DST: variants seen among roughly 807,000 people sequenced by gnomAD.
The protein encoded by DST is dystonin.
DST carries 253 observed loss-of-function variants against 875.2 expected under a neutral mutation model. The ratio of observed to expected loss-of-function variants is 0.29; its 90% CI spans 0.26 to 0.32. The LOEUF (loss-of-function observed/expected upper bound fraction) is 0.32, where lower values mean the gene tolerates loss of function less well. DST is among the 10% of genes least tolerant of loss of function. DST has a pLI of 1.00. For missense variants in DST, 8,287 were observed against 9,111.6 expected (o/e 0.91, Z 3.68); for synonymous variants, 3,124 against 3,197.1 (o/e 0.98, Z 0.77).
intron 4 of DST, among the ~76,000 whole-genome samples, chr6:56,810,229 G>A (rs1053210254): frequency 2.6e-5 from 4 of 152,154 alleles, no homozygotes; most frequent in African/African-American, 9.7e-5. Context: ...AAGATCGCTT[G>A]AGCCCAGGAG....
chr6:56,759,071 T>G (rs1564032862), intron 4 of DST, among the ~76,000 whole-genome samples: 1 of 152,082 alleles, frequency 6.6e-6, no homozygotes, highest in Admixed American at 6.5e-5. Flanking sequence ...GCTACATAAG[T>G]GGAAATACAA....
chr6:56,658,025 C>G (rs144462696), intron 10 of DST, among the ~76,000 whole-genome samples: 1 of 151,970 alleles, frequency 6.6e-6, no homozygotes, highest in African/African-American at 2.4e-5. Context: ...CTCGGCCCCC[C>G]CAACTGCTGG....
chr6:56,630,415 T>C (rs748865173), intron 30 of DST, 32 bp from the exon 31 acceptor site: 7 of 1,596,158 alleles, frequency 4.4e-6, no homozygotes, highest in East Asian at 4.5e-5. Context: ...TAGCCACCTA[T>C]GGTTAAATGT....
intron 58 of DST, among the ~76,000 whole-genome samples, chr6:56,557,786 T>G (rs1376901441): frequency 6.6e-6 from 1 of 152,178 alleles, no homozygotes; most frequent in Non-Finnish European, 1.5e-5. Flanking sequence ...GACAGCATTC[T>G]GGGATCTCTC....
rs1562798424 is a variant in DST, at chr6:56,560,323, G to C, written c.14411C>G (p.Pro4804Arg). The change falls in exon 58 of 104, where the codon CCC (proline) becomes CGC (arginine). Residue 4804 changes from proline to arginine, a missense_variant. Coordinates refer to ENST00000680361, the MANE Select transcript of DST (RefSeq NM_001374736.1). ...TTCTGTCAACATCTGTTTCCATCTGGGGGCCTCAGGAGTATCTGGGTTCTC... is the reference window on the plus strand; with the variant it reads ...TTCTGTCAACATCTGTTTCCATCTGCGGGCCTCAGGAGTATCTGGGTTCTC... ...LEENPDTPEA[P>R]RWKQMLTEID... 6.2e-7 allele frequency: 1 copy of C among 1,610,852 alleles called. No individual in the cohort carries two copies. The highest frequency in any genetic ancestry group is 2.2e-5 in the East Asian group (1 of 44,806).
rs146026298 is a variant in DST at position 56,768,845 on chromosome 6, C to T, written c.626-33556G>A. Among the ~76,000 whole-genome samples the T allele has an allele frequency of 6.3e-3, 959 of 151,974 alleles. 2 individuals carry two copies. Among genetic ancestry groups the T allele is most frequent in the Middle Eastern group, 0.014 (4 of 294 alleles). On this transcript the variant is annotated intron_variant, in intron 4 of 103. Transcript: ENST00000680361. ...CAGCACTCTGGGAGGTCAAGGCAGG[C>T]GGATCAAGAGGTCAGGAGATCAAGA...
chr6:56,674,180 C>G (rs954233035), intron 9 of DST, among the ~76,000 whole-genome samples: 2 of 152,152 alleles, frequency 1.3e-5, no homozygotes, highest in African/African-American at 4.8e-5. Flanking sequence ...AACCCGGAGG[C>G]AATGTAGTGA....
Position 56,508,714 on chromosome 6 carries a change from T to A in DST, c.19054A>T (p.Asn6352Tyr). The change falls in exon 75 of 104, where the codon AAC becomes TAC. Residue 6352 changes from asparagine (N) to tyrosine (Y), a missense_variant. Transcript: ENST00000680361. ...KLDQMVFIWE[N>Y]IHTLVEEREA... Reference sequence around the variant, plus strand: ...CTCTCTTCCACCAGTGTGTGTATGTTCTCCCAAATGAAAACCATTTGGTCA... The same window carrying A: ...CTCTCTTCCACCAGTGTGTGTATGTACTCCCAAATGAAAACCATTTGGTCA... The A allele has an allele frequency of 1.9e-6, 3 of 1,613,716 alleles. No homozygotes were observed. Among genetic ancestry groups the A allele is most frequent in the Non-Finnish European group, 2.5e-6 (3 of 1,179,770 alleles).
intron 3 of DST, among the ~76,000 whole-genome samples, chr6:56,876,978 A>C (rs1870638): frequency 0.3 from 44,991 of 152,090 alleles, 8,697 homozygotes; most frequent in African/African-American, 0.56. Context: ...TATAAAGGTT[A>C]TTTCCATGTC....
In DST at chr6:56,498,008, C is replaced by A. The variant is rs754970520; in HGVS notation, c.19942G>T (p.Val6648Phe). The change falls in exon 81 of 104, where the codon GTT becomes TTT. Residue 6648 changes from valine (V) to phenylalanine (F), a missense_variant. Val to Phe is a conservative substitution (Grantham distance 50). Transcript: ENST00000680361. ...VLAHQSTVEAVNKAGNDLIES... is the reference protein window; with the variant it reads ...VLAHQSTVEAFNKAGNDLIES... ...ATTAGATCATTTCCTGCTTTATTAA[C>A]GGCTTCCACTGTGGACTGATGGGCT... The A allele has an allele frequency of 6.2e-7, 1 of 1,613,412 alleles. No individual in the cohort carries two copies. The highest frequency in any genetic ancestry group is 8.5e-7 in the Non-Finnish European group (1 of 1,179,522).
chr6:56,732,258 G>A (rs377200519), intron 5 of DST, among the ~76,000 whole-genome samples: 1 of 152,040 alleles, frequency 6.6e-6, no homozygotes, highest in Non-Finnish European at 1.5e-5. Flanking sequence ...TTGGTTAAAA[G>A]CAATTTGATC....
At chr6:56,707,259 G>A (rs1044579846) in intron 5 of DST, among the ~76,000 whole-genome samples, 4 of 152,136 alleles carry the variant, frequency 2.6e-5, no homozygotes, top group Non-Finnish European at 5.9e-5. Context: ...AATTTATAAG[G>A]CTAAGGCCTA....
At chr6:56,635,803 T>C (rs1184414820) in intron 23 of DST, 89 bp from the exon 24 acceptor site, 4 of 1,356,676 alleles carry the variant, frequency 2.9e-6, no homozygotes, top group South Asian at 1.2e-5. Context: ...GTCCTATGTG[T>C]ACCCCTCATA....
At position 56,767,756 on chromosome 6, in the gene DST, G is replaced by A. The variant is rs149261366; in HGVS notation, c.626-32467C>T. 4.7e-3 allele frequency among the ~76,000 whole-genome samples: 712 copies of A among 152,186 alleles called. 4 individuals are homozygous for A. Among genetic ancestry groups the A allele is most frequent in the African/African-American group, 0.016 (675 of 41,522 alleles). On this transcript the variant is annotated intron_variant, in intron 4 of 103. Coordinates refer to ENST00000680361, the MANE Select transcript of DST (RefSeq NM_001374736.1). The stretch of plus-strand genomic sequence containing the variant: ...TGTGGAGGTTGAGGGACAAGTGAGA[G>A]GCAAGATGGAATTTTAAATAAAATG...
At chr6:56,809,306 C>A (rs977664799) in intron 4 of DST, among the ~76,000 whole-genome samples, 2 of 152,178 alleles carry the variant, frequency 1.3e-5, no homozygotes, top group African/African-American at 2.4e-5. Context: ...CTGCCCCTCC[C>A]CGAGTGAGGC....
chr6:56,681,783 G>A (rs1047816255), intron 9 of DST, among the ~76,000 whole-genome samples: 4 of 152,154 alleles, frequency 2.6e-5, no homozygotes, highest in Non-Finnish European at 5.9e-5. Context: ...TGGACACCTT[G>A]AAAATCTGCA....
intron 3 of DST, among the ~76,000 whole-genome samples, chr6:56,880,985 C>T (rs1781911336): frequency 1.3e-5 from 2 of 150,748 alleles, no homozygotes; most frequent in African/African-American, 4.9e-5. Context: ...GTAGCTGGGA[C>T]TACAGTCGCC....
chr6:56,510,767 A>G (rs1232124960), intron 73 of DST, among the ~76,000 whole-genome samples: 2 of 152,218 alleles, frequency 1.3e-5, no homozygotes, highest in African/African-American at 4.8e-5. Flanking sequence ...ATTTTCAGAA[A>G]AGAAAAAACC....
At chr6:56,496,827 T>C (rs1043734319) in intron 82 of DST, among the ~76,000 whole-genome samples, 8 of 152,136 alleles carry the variant, frequency 5.3e-5, no homozygotes, top group Admixed American at 2.6e-4. Context: ...TGGAATACTA[T>C]GCAGCCATAA....
Sources: allele counts gnomAD v4.1 joint callset (sites outside exome capture counted in the v4.1 genomes callset), GRCh38; gene constraint gnomAD v4.1.1; transcripts MANE v1.5; gene names NCBI Gene and HGNC (gene_info 2026-07-23, HGNC 2026-07-21).